Variants in AUTS2 observed in about 807,000 individuals in gnomAD.
AUTS2 encodes autism susceptibility gene 2 protein.
Under a neutral mutation model 112.4 loss-of-function variants are expected in AUTS2, and 17 were observed. The observed-to-expected ratio is 0.15, with a 90% CI of 0.10 to 0.23. The LOEUF is 0.23. Ranked by LOEUF, AUTS2 falls within the 10% of genes least tolerant of loss-of-function variation. The probability of loss-of-function intolerance (pLI) is 1.00; values close to 1 mark genes in which losing one functional copy is unlikely to be tolerated. For synonymous variants in AUTS2, 751 were observed against 702.7 expected (o/e 1.07, Z -1.09); for missense variants, 1,510 against 1,701.6 (o/e 0.89, Z 1.98).
chr7:70,545,580 G>T (rs1800738501), intron 5 of AUTS2, among the ~76,000 whole-genome samples: 1 of 152,160 alleles, frequency 6.6e-6, no homozygotes, highest in Non-Finnish European at 1.5e-5. Flanking sequence ...CTAGAAAATG[G>T]TCCGTTCATG....
intron 2 of AUTS2, among the ~76,000 whole-genome samples, chr7:69,988,133 TAAA>T (rs1289740929): frequency 6.6e-6 from 1 of 152,214 alleles, no homozygotes; most frequent in African/African-American, 2.4e-5. Context: ...TTTAACAACA[TAAA>T]AATGATATTT....
intron 4 of AUTS2, among the ~76,000 whole-genome samples, chr7:70,416,629 C>T (rs1024453308): frequency 3.3e-5 from 5 of 152,230 alleles, no homozygotes; most frequent in African/African-American, 1.2e-4. Context: ...ATCTTCAGCC[C>T]TATGAACCTG....
In AUTS2 at chr7:69,847,218, G is replaced by C. The variant is rs192937593; in HGVS notation, c.310-52068G>C. ...ACAGAGTACTAAAGCCGTAGAATAAGAGTTTCTTTATTCATTAATTCATCC... is the reference window on the plus strand; with the variant it reads ...ACAGAGTACTAAAGCCGTAGAATAACAGTTTCTTTATTCATTAATTCATCC... On this transcript the variant is annotated intron_variant, in intron 1 of 18. Coordinates refer to ENST00000342771, the MANE Select transcript of AUTS2 (RefSeq NM_015570.4). 3.9e-5 allele frequency among the ~76,000 whole-genome samples: 6 copies of C among 152,322 alleles called. No individual in the cohort carries two copies. The East Asian group carries it at 1.2e-3, about 29-fold the overall frequency.
chr7:70,507,209 C>A (rs536755478), intron 5 of AUTS2, among the ~76,000 whole-genome samples: 1 of 152,286 alleles, frequency 6.6e-6, no homozygotes, highest in African/African-American at 2.4e-5. Context: ...CAGAGAAACA[C>A]AGAATCAAGC....
intron 4 of AUTS2, among the ~76,000 whole-genome samples, chr7:70,144,493 A>G (rs766733909): frequency 6.6e-6 from 1 of 152,044 alleles, no homozygotes. Flanking sequence ...ATCATGACCA[A>G]ATGGAAGCCT....
chr7:69,723,834 C>G (rs1240126477), intron 1 of AUTS2, among the ~76,000 whole-genome samples: 1 of 152,196 alleles, frequency 6.6e-6, no homozygotes, highest in African/African-American at 2.4e-5. Context: ...TCATTACACT[C>G]TAACGGTAGT....
intron 2 of AUTS2, among the ~76,000 whole-genome samples, chr7:69,969,971 C>T (rs570019624): frequency 5.3e-5 from 8 of 152,268 alleles, no homozygotes; most frequent in South Asian, 2.1e-4. Context: ...TGGCAAGTAA[C>T]GCATGACCAA....
chr7:70,055,449 T>A (rs1009443035), intron 2 of AUTS2, among the ~76,000 whole-genome samples: 9 of 152,230 alleles, frequency 5.9e-5, no homozygotes, highest in African/African-American at 2.2e-4. Context: ...AAAAAAATTC[T>A]ATATTTGATT....
chr7:70,121,177 C>T (rs1163575733), intron 3 of AUTS2, among the ~76,000 whole-genome samples: 1 of 152,060 alleles, frequency 6.6e-6, no homozygotes, highest in Non-Finnish European at 1.5e-5. Context: ...TCCTACATCG[C>T]ACTATGTACA....
chr7:70,528,253 T>C lies in AUTS2; in HGVS notation c.690+92472T>C, dbSNP rs147438889. On this transcript the variant is annotated intron_variant, in intron 5 of 18. Coordinates refer to ENST00000342771, the MANE Select transcript of AUTS2 (RefSeq NM_015570.4). The stretch of plus-strand genomic sequence containing the variant: ...CAAGATTCCCCCAATGAAGAAGAAA[T>C]TCTAAAATCTGAAGAGAGAGAGAAA... Among the ~76,000 whole-genome samples, 211 of 150,466 alleles carry C rather than the reference T, an allele frequency of 1.4e-3. 2 individuals carry two copies. The highest frequency in any genetic ancestry group is 5.0e-3 in the African/African-American group (203 of 40,940).
At chr7:70,784,077 A>C (rs1791270919) in intron 15 of AUTS2, 1 of 152,210 alleles carries the variant, frequency 6.6e-6, no homozygotes, top group Non-Finnish European at 1.5e-5. Flanking sequence ...ATTAGACCTG[A>C]GTTCCCTGGC....
chr7:69,670,428 CAA>C (rs1796264402), intron 1 of AUTS2, among the ~76,000 whole-genome samples: 1 of 151,806 alleles, frequency 6.6e-6, no homozygotes, highest in South Asian at 2.1e-4. Context: ...TAAATAGACT[CAA>C]GAGTGAAAGA....
chr7:69,898,087 A>T (rs1562957057), intron 1 of AUTS2, among the ~76,000 whole-genome samples: 1 of 152,220 alleles, frequency 6.6e-6, no homozygotes, highest in Non-Finnish European at 1.5e-5. Flanking sequence ...TACAAAGGAT[A>T]CATGTTTGAG....
intron 4 of AUTS2, among the ~76,000 whole-genome samples, chr7:70,302,635 T>C (rs1789271565): frequency 6.6e-6 from 1 of 151,986 alleles, no homozygotes; most frequent in Non-Finnish European, 1.5e-5. Flanking sequence ...ATTTATCTAG[T>C]ATAATTTCCA....
At chr7:69,842,681 C>T (rs1271494382) in intron 1 of AUTS2, among the ~76,000 whole-genome samples, 2 of 152,130 alleles carry the variant, frequency 1.3e-5, no homozygotes, top group Admixed American at 6.5e-5. Flanking sequence ...CTTATTTTAC[C>T]TATTTGGGTG....
chr7:70,331,437 T>G (rs1349630288), intron 4 of AUTS2, among the ~76,000 whole-genome samples: 2 of 152,132 alleles, frequency 1.3e-5, no homozygotes, highest in Admixed American at 1.3e-4. Context: ...TTCTTCTCTC[T>G]TTTCTTATTT....
At chr7:70,187,834 G>A (rs1310042515) in intron 4 of AUTS2, among the ~76,000 whole-genome samples, 1 of 139,522 alleles carries the variant, frequency 7.2e-6, no homozygotes, top group Non-Finnish European at 1.5e-5. Flanking sequence ...AATCACATCA[G>A]GAAAGGGAAG....
chr7:70,169,674 G>C (rs1366183751), intron 4 of AUTS2, among the ~76,000 whole-genome samples: 3 of 152,146 alleles, frequency 2.0e-5, no homozygotes, highest in Non-Finnish European at 4.4e-5. Flanking sequence ...CCATATGGCT[G>C]TAGAATGCAG....
intron 1 of AUTS2, among the ~76,000 whole-genome samples, chr7:69,837,176 A>G (rs1791764592): frequency 6.6e-6 from 1 of 152,140 alleles, no homozygotes; most frequent in Non-Finnish European, 1.5e-5. Flanking sequence ...TAATAATCCA[A>G]CTTTATAGAG....
Sources: allele counts gnomAD v4.1 joint callset (sites outside exome capture counted in the v4.1 genomes callset), GRCh38; gene constraint gnomAD v4.1.1; transcripts MANE v1.5; gene names NCBI Gene and HGNC (gene_info 2026-07-23, HGNC 2026-07-21).